LRP1B: variants seen among roughly 807,000 people sequenced by gnomAD.
The protein encoded by LRP1B is low-density lipoprotein receptor-related protein 1B.
In LRP1B, 217 loss-of-function variants were observed where a neutral mutation model predicts 556.6. The observed-to-expected ratio is 0.39, with a 90% CI of 0.35 to 0.44. The LOEUF (loss-of-function observed/expected upper bound fraction) is 0.44, where lower values mean the gene tolerates loss of function less well. Among genes scored for constraint, LRP1B ranks in the 20% least tolerant of loss-of-function variants. LRP1B has a pLI of 1.00. For missense variants in LRP1B, 5,053 were observed against 5,620.8 expected (o/e 0.90, Z 3.23); for synonymous variants, 2,047 against 1,865.8 (o/e 1.10, Z -2.50).
intron 2 of LRP1B, 120 bp from the exon 3 acceptor site, chr2:141,480,653 G>T: frequency 1.0e-6 from 1 of 971,886 alleles, no homozygotes; most frequent in African/African-American, 1.6e-5. Flanking sequence ...TACTGTAAGA[G>T]TGCTGCTCTT....
At chr2:141,225,301 T>C (rs1441437695) in intron 6 of LRP1B, among the ~76,000 whole-genome samples, 1 of 152,128 alleles carries the variant, frequency 6.6e-6, no homozygotes, top group Non-Finnish European at 1.5e-5. Flanking sequence ...AATTCACCCA[T>C]AAAAAGACAA....
intron 2 of LRP1B, among the ~76,000 whole-genome samples, chr2:141,638,995 T>A (rs13390110): frequency 0.97 from 65,296 of 67,610 alleles, 31,624 homozygotes; most frequent in Non-Finnish European, 1. Context: ...CAAAAAAAAA[T>A]ATATATATAT....
At chr2:141,387,308 A>G (rs1315229358) in intron 3 of LRP1B, among the ~76,000 whole-genome samples, 1 of 152,048 alleles carries the variant, frequency 6.6e-6, no homozygotes, top group East Asian at 1.9e-4. Flanking sequence ...AGCTAGCAGA[A>G]GAAAGGAAGT....
At chr2:141,718,670 G>C (rs1030751106) in intron 2 of LRP1B, among the ~76,000 whole-genome samples, 5 of 152,100 alleles carry the variant, frequency 3.3e-5, no homozygotes, top group African/African-American at 9.7e-5. Context: ...TACAGCAATG[G>C]TATGAAAGGT....
chr2:140,423,708 C>T (rs1221185693), intron 66 of LRP1B, among the ~76,000 whole-genome samples: 1 of 152,036 alleles, frequency 6.6e-6, no homozygotes, highest in Non-Finnish European at 1.5e-5. Flanking sequence ...GCTTGTGTAA[C>T]ACATAGAGCT....
intron 20 of LRP1B, among the ~76,000 whole-genome samples, chr2:140,943,294 A>G (rs1695452866): frequency 6.6e-6 from 1 of 151,926 alleles, no homozygotes; most frequent in South Asian, 2.1e-4. Flanking sequence ...ATGTAGGAAA[A>G]GACTTAGACA....
chr2:140,577,574 G>C (rs1247947790), intron 43 of LRP1B, among the ~76,000 whole-genome samples: 1 of 151,792 alleles, frequency 6.6e-6, no homozygotes, highest in Non-Finnish European at 1.5e-5. Context: ...GTGCCACCAT[G>C]CTGGCTAATT....
chr2:140,901,518 C>T (rs1482428607), intron 23 of LRP1B, among the ~76,000 whole-genome samples: 1 of 152,140 alleles, frequency 6.6e-6, no homozygotes, highest in Non-Finnish European at 1.5e-5. Context: ...ATAATCACAT[C>T]AGGGTAAATG....
At chr2:141,137,036 GA>G (rs11429558) in intron 7 of LRP1B, among the ~76,000 whole-genome samples, 3 of 151,364 alleles carry the variant, frequency 2.0e-5, no homozygotes, top group East Asian at 3.9e-4. Context: ...TTCATTATTC[GA>G]AAAAAAGTCT....
intron 11 of LRP1B, among the ~76,000 whole-genome samples, chr2:141,033,411 C>T (rs1260623271): frequency 6.6e-6 from 1 of 152,012 alleles, no homozygotes; most frequent in African/African-American, 2.4e-5. Flanking sequence ...AAAAACTACT[C>T]AGGCTGTTGT....
intron 1 of LRP1B, among the ~76,000 whole-genome samples, chr2:142,129,166 CCAGAT>C (rs1352413833): frequency 6.6e-6 from 1 of 152,158 alleles, no homozygotes; most frequent in African/African-American, 2.4e-5. Flanking sequence ...GCTGATTGTT[CCAGAT>C]CAAAGACATC....
intron 41 of LRP1B, among the ~76,000 whole-genome samples, chr2:140,623,721 C>T (rs1335912394): frequency 1.3e-5 from 2 of 151,802 alleles, no homozygotes; most frequent in East Asian, 3.9e-4. Flanking sequence ...GAGTTCAAGA[C>T]CAGCCTGGGC....
At chr2:141,322,412 G>T (rs1318574162) in intron 3 of LRP1B, among the ~76,000 whole-genome samples, 3 of 152,030 alleles carry the variant, frequency 2.0e-5, no homozygotes, top group Non-Finnish European at 1.5e-5. Context: ...GAGACAGGGT[G>T]ACATTACAGC....
chr2:141,053,899 T>C (rs936925842), intron 10 of LRP1B, among the ~76,000 whole-genome samples: 3 of 151,712 alleles, frequency 2.0e-5, no homozygotes, highest in Admixed American at 6.6e-5. Flanking sequence ...ACACACTACA[T>C]AGACACACAT....
chr2:140,469,169 G>C (rs891729122), intron 60 of LRP1B, among the ~76,000 whole-genome samples: 3 of 152,120 alleles, frequency 2.0e-5, no homozygotes, highest in Non-Finnish European at 4.4e-5. Flanking sequence ...TCTTATATTG[G>C]AACCTAATAC....
At chr2:141,639,404 A>ATG (rs1558772499) in intron 2 of LRP1B, among the ~76,000 whole-genome samples, 1 of 46,736 alleles carries the variant, frequency 2.1e-5, no homozygotes, top group Non-Finnish European at 6.3e-5. Flanking sequence ...ATATATATAT[A>ATG]TGTGTATATA....
chr2:141,357,960 T>A (rs1688685032), intron 3 of LRP1B, among the ~76,000 whole-genome samples: 1 of 152,196 alleles, frequency 6.6e-6, no homozygotes, highest in Non-Finnish European at 1.5e-5. Flanking sequence ...AATGTATGAC[T>A]GTTGAGGAAA....
At chr2:140,740,467 C>T (rs1171224091) in intron 35 of LRP1B, among the ~76,000 whole-genome samples, 1 of 151,960 alleles carries the variant, frequency 6.6e-6, no homozygotes, top group Non-Finnish European at 1.5e-5. Context: ...TATGAGGATG[C>T]AAAGGCGTAA....
intron 1 of LRP1B, among the ~76,000 whole-genome samples, chr2:141,885,054 T>C (rs1280612786): frequency 6.6e-6 from 1 of 152,206 alleles, no homozygotes; most frequent in Non-Finnish European, 1.5e-5. Context: ...ATTCAAATTG[T>C]TATGTGCTTA....
Sources: allele counts gnomAD v4.1 joint callset (sites outside exome capture counted in the v4.1 genomes callset), GRCh38; gene constraint gnomAD v4.1.1; transcripts MANE v1.5; gene names NCBI Gene and HGNC (gene_info 2026-07-23, HGNC 2026-07-21).